Variants in QTMAN observed in about 807,000 individuals in gnomAD.
QTMAN encodes tRNA-queuosine alpha-mannosyltransferase.
At chr2:144,068,864 T>C in the QTMAN span, among the ~76,000 whole-genome samples, 2 of 152,188 alleles carry the variant, frequency 1.3e-5, no homozygotes, top group Non-Finnish European at 2.9e-5. Flanking sequence ...TGTATGGCTA[T>C]TTAAAATTCA....
the QTMAN span, among the ~76,000 whole-genome samples, chr2:144,155,340 G>A: frequency 6.6e-6 from 1 of 152,134 alleles, no homozygotes. Context: ...CATTAGCCTT[G>A]AAGAAGTAAG....
At chr2:144,315,866 A>G in the QTMAN span, among the ~76,000 whole-genome samples, 1 of 152,080 alleles carries the variant, frequency 6.6e-6, no homozygotes, top group South Asian at 2.1e-4. Flanking sequence ...GTGCCACAGT[A>G]CTCACATTTA....
chr2:144,094,075 G>A, the QTMAN span, among the ~76,000 whole-genome samples: 4 of 152,146 alleles, frequency 2.6e-5, no homozygotes, highest in Non-Finnish European at 5.9e-5. Flanking sequence ...ATATCTCAAT[G>A]AGTTAAGAAA....
the QTMAN span, among the ~76,000 whole-genome samples, chr2:144,038,266 T>C: frequency 6.6e-6 from 1 of 152,136 alleles, no homozygotes; most frequent in African/African-American, 2.4e-5. Context: ...TGTACATACT[T>C]TGGGACTTAC....
At chr2:144,104,602 C>T in the QTMAN span, among the ~76,000 whole-genome samples, 2 of 152,200 alleles carry the variant, frequency 1.3e-5, no homozygotes, top group African/African-American at 2.4e-5. Context: ...GTAAACAAAG[C>T]AGCCAGGAAG....
At chr2:144,208,685 G>A in the QTMAN span, 9 of 1,613,808 alleles carry the variant, frequency 5.6e-6, no homozygotes, top group South Asian at 9.9e-5. Context: ...TTTGCAGGAA[G>A]GGTATAAACG....
At chr2:144,021,263 T>C in the QTMAN span, among the ~76,000 whole-genome samples, 1 of 152,178 alleles carries the variant, frequency 6.6e-6, no homozygotes, top group Admixed American at 6.5e-5. Flanking sequence ...GTCAGAAAAG[T>C]CTAAAAAGCA....
chr2:144,205,188 G>A, the QTMAN span, among the ~76,000 whole-genome samples: 1 of 151,986 alleles, frequency 6.6e-6, no homozygotes, highest in Non-Finnish European at 1.5e-5. Flanking sequence ...GTCTTTGCAG[G>A]TGGCCAGACT....
the QTMAN span, chr2:143,944,007 T>C: frequency 6.6e-6 from 1 of 152,118 alleles, no homozygotes. Context: ...AAATTGACTT[T>C]ATTTTAAAAG....
chr2:144,034,181 T>C, the QTMAN span, among the ~76,000 whole-genome samples: 7 of 152,206 alleles, frequency 4.6e-5, no homozygotes, highest in Non-Finnish European at 7.3e-5. Flanking sequence ...ACCAGTAAGA[T>C]ACCAGCTAAT....
At chr2:144,284,137 C>T in the QTMAN span, among the ~76,000 whole-genome samples, 1 of 151,644 alleles carries the variant, frequency 6.6e-6, no homozygotes, top group South Asian at 2.1e-4. Context: ...TGCTGTTCTA[C>T]TTTAGTAGAG....
the QTMAN span, among the ~76,000 whole-genome samples, chr2:144,045,217 T>C: frequency 2.6e-5 from 4 of 152,312 alleles, no homozygotes; most frequent in African/African-American, 7.2e-5. Context: ...TAAAGTACAG[T>C]CTGGTCTTAA....
the QTMAN span, among the ~76,000 whole-genome samples, chr2:144,174,755 T>C: frequency 2.6e-5 from 4 of 152,184 alleles, no homozygotes; most frequent in Non-Finnish European, 5.9e-5. Context: ...CCTGGTGCCA[T>C]GTAAGGCGTG....
chr2:143,977,623 GCAGA>G, the QTMAN span, among the ~76,000 whole-genome samples: 22 of 152,276 alleles, frequency 1.4e-4, no homozygotes, highest in African/African-American at 4.8e-4. Flanking sequence ...AGAGCTGTAG[GCAGA>G]CAGACAGAAG....
the QTMAN span, among the ~76,000 whole-genome samples, chr2:143,979,547 TA>T: frequency 2.6e-5 from 4 of 152,220 alleles, no homozygotes; most frequent in African/African-American, 4.8e-5. Flanking sequence ...CGCTGCCAAC[TA>T]CTGTTTGGCG....
chr2:144,171,597 A>T, the QTMAN span, among the ~76,000 whole-genome samples: 1 of 152,194 alleles, frequency 6.6e-6, no homozygotes, highest in African/African-American at 2.4e-5. Flanking sequence ...CTGTGGGTTG[A>T]TAAGAGTCAA....
chr2:144,067,272 T>TC, the QTMAN span, among the ~76,000 whole-genome samples: 1 of 152,224 alleles, frequency 6.6e-6, no homozygotes, highest in African/African-American at 2.4e-5. Flanking sequence ...TCTAATACAG[T>TC]ACATCAGGAC....
the QTMAN span, among the ~76,000 whole-genome samples, chr2:143,969,720 C>T: frequency 5.4e-4 from 82 of 152,234 alleles, 1 homozygote; most frequent in Admixed American, 1.0e-3. Context: ...AACAGGCAAA[C>T]GTCCAAAGGT....
chr2:144,224,849 T>C, the QTMAN span, among the ~76,000 whole-genome samples: 1 of 152,192 alleles, frequency 6.6e-6, no homozygotes, highest in African/African-American at 2.4e-5. Flanking sequence ...TGTGATATTA[T>C]CATGACCCAA....
Sources: gnomAD v4.1 joint callset for allele counts (sites outside exome capture counted in the v4.1 genomes callset) on GRCh38, gnomAD v4.1.1 for gene constraint, MANE v1.5 for transcripts, NCBI Gene and HGNC (gene_info 2026-07-23, HGNC 2026-07-21) for gene names.